The following KIAA0825 variants were observed in gnomAD, a reference collection of about 807,000 sequenced individuals.
KIAA0825 encodes the protein KIAA0825.
Under a neutral mutation model 147.6 loss-of-function variants are expected in KIAA0825, and 119 were observed. The observed-to-expected ratio is 0.81, with a 90% CI of 0.69 to 0.94. KIAA0825 has a LOEUF of 0.94. Among genes scored for constraint, KIAA0825 ranks in the 40% least tolerant of loss-of-function variants. The probability of loss-of-function intolerance (pLI) is 0.00; values close to 1 mark genes in which losing one functional copy is unlikely to be tolerated. For synonymous variants in KIAA0825, 470 were observed against 518.1 expected (o/e 0.91, Z 1.26); for missense variants, 1,381 against 1,472.7 (o/e 0.94, Z 1.02).
intron 20 of KIAA0825, among the ~76,000 whole-genome samples, chr5:94,367,751 T>G (rs1746082797): frequency 6.6e-6 from 1 of 152,198 alleles, no homozygotes; most frequent in South Asian, 2.1e-4. Context: ...ATCTCTGTAC[T>G]TCACTCCAGC....
intron 20 of KIAA0825, among the ~76,000 whole-genome samples, chr5:94,310,786 A>G (rs1308799164): frequency 6.6e-6 from 1 of 151,750 alleles, no homozygotes; most frequent in Non-Finnish European, 1.5e-5. Context: ...AGGATTTTCA[A>G]AAACCATTAT....
In KIAA0825 at chr5:94,417,196, C is replaced by T. The variant is rs1248596777; in HGVS notation, c.2662+5G>A. ...TTTCTTTTACAAACAGTAAATGTCT[C>T]ATACCTGGGATGTTATATAAAAAGT... On this transcript the variant is annotated splice_donor_5th_base_variant and intron_variant, in intron 15 of 20. Coordinates refer to ENST00000682413, the MANE Select transcript of KIAA0825 (RefSeq NM_001145678.3). The T allele has an allele frequency of 1.3e-6, 2 of 1,549,588 alleles. No individual in the cohort carries two copies. The highest frequency in any genetic ancestry group is 2.4e-5 in the South Asian group (2 of 84,020).
intron 6 of KIAA0825, among the ~76,000 whole-genome samples, chr5:94,478,466 C>CACACACACAT (rs1554289719): frequency 2.0e-5 from 3 of 151,710 alleles, no homozygotes; most frequent in African/African-American, 7.3e-5. Flanking sequence ...CACACACACA[C>CACACACACAT]ACACACACAC....
intron 1 of KIAA0825, among the ~76,000 whole-genome samples, chr5:94,614,682 G>C (rs1789919579): frequency 6.6e-6 from 1 of 151,448 alleles, no homozygotes; most frequent in African/African-American, 2.4e-5. Flanking sequence ...TTTTTATGAG[G>C]TCTTTCCTCA....
chr5:94,600,917 A>AAAATTTCCTGGG (rs1202516705), intron 1 of KIAA0825, among the ~76,000 whole-genome samples: 9 of 152,190 alleles, frequency 5.9e-5, no homozygotes, highest in Non-Finnish European at 1.2e-4. Flanking sequence ...CAGAGGTTTG[A>AAAATTTCCTGGG]AAATTTCCTG....
intron 19 of KIAA0825, 107 bp from the exon 20 acceptor site, chr5:94,384,565 G>T: frequency 2.4e-6 from 2 of 849,978 alleles, no homozygotes; most frequent in Non-Finnish European, 3.8e-6. Flanking sequence ...AAGGAGGGGG[G>T]TCCAGAACAA....
At chr5:94,196,259 C>T (rs1333748640) in intron 20 of KIAA0825, among the ~76,000 whole-genome samples, 1 of 152,158 alleles carries the variant, frequency 6.6e-6, no homozygotes, top group Non-Finnish European at 1.5e-5. Flanking sequence ...CTCTACTCCC[C>T]TGCTAATGTC....
At chr5:94,232,566 A>G (rs942356007) in intron 20 of KIAA0825, among the ~76,000 whole-genome samples, 4 of 152,126 alleles carry the variant, frequency 2.6e-5, no homozygotes, top group African/African-American at 9.6e-5. Flanking sequence ...TTAATATGAT[A>G]GATTCAACTG....
At chr5:94,533,739 C>T (rs927565648) in intron 3 of KIAA0825, among the ~76,000 whole-genome samples, 2 of 152,180 alleles carry the variant, frequency 1.3e-5, no homozygotes, top group South Asian at 2.1e-4. Context: ...TGTTATTTAC[C>T]TCTTGTTACC....
intron 20 of KIAA0825, among the ~76,000 whole-genome samples, chr5:94,252,466 TAGAGAG>T (rs927581654): frequency 6.6e-6 from 1 of 151,158 alleles, no homozygotes; most frequent in Non-Finnish European, 1.5e-5. Flanking sequence ...TATATATATA[TAGAGAG>T]AGAGAGAGTG....
intron 20 of KIAA0825, among the ~76,000 whole-genome samples, chr5:94,336,807 T>C (rs1166548936): frequency 2.0e-5 from 3 of 152,160 alleles, no homozygotes; most frequent in African/African-American, 7.2e-5. Flanking sequence ...AAATGGTATT[T>C]CTAGTTCTAG....
intron 5 of KIAA0825, among the ~76,000 whole-genome samples, chr5:94,504,048 G>A (rs1765410666): frequency 6.6e-6 from 1 of 152,110 alleles, no homozygotes; most frequent in African/African-American, 2.4e-5. Context: ...AATTCGATTA[G>A]CTTAAAATTG....
At chr5:94,395,858 A>C (rs1029524369) in intron 17 of KIAA0825, among the ~76,000 whole-genome samples, 1 of 152,196 alleles carries the variant, frequency 6.6e-6, no homozygotes, top group Non-Finnish European at 1.5e-5. Flanking sequence ...AGAAACCTTA[A>C]GATGGTGACT....
intron 2 of KIAA0825, among the ~76,000 whole-genome samples, chr5:94,541,662 C>T (rs974100546): frequency 6.6e-6 from 1 of 152,176 alleles, no homozygotes; most frequent in Non-Finnish European, 1.5e-5. Flanking sequence ...TTAATCTGCT[C>T]TTTAACAAAA....
chr5:94,336,261 C>CT (rs34128147), intron 20 of KIAA0825, among the ~76,000 whole-genome samples: 4,348 of 142,168 alleles, frequency 0.031, 170 homozygotes, highest in African/African-American at 0.1. Context: ...TCTTTTCTTT[C>CT]TTTTTTTTTT....
chr5:94,412,694 C>A (rs745564638), intron 15 of KIAA0825, among the ~76,000 whole-genome samples: 1 of 151,838 alleles, frequency 6.6e-6, no homozygotes, highest in Non-Finnish European at 1.5e-5. Context: ...CCACCACGCC[C>A]GGCCAGTAGT....
intron 20 of KIAA0825, among the ~76,000 whole-genome samples, chr5:94,202,378 G>A (rs879795828): frequency 1.3e-5 from 2 of 152,120 alleles, no homozygotes; most frequent in Non-Finnish European, 2.9e-5. Flanking sequence ...GTGAGGATGC[G>A]TCTCTGTGTA....
chr5:94,444,225 T>C lies in KIAA0825; in HGVS notation c.2358-4104A>G, dbSNP rs558905919. Among the ~76,000 whole-genome samples the C allele has an allele frequency of 5.9e-5, 9 of 152,056 alleles. No individual in the cohort carries two copies. The South Asian group carries it at 1.5e-3, about 25-fold the overall frequency. On this transcript the variant is annotated intron_variant, in intron 13 of 20. Transcript: ENST00000682413. ...TTTCCATGGTGGGGTGGGATGGGGG[T>C]ATACACACCTCTACCAGGGGGACCA...
chr5:94,396,819 G>A (rs1333209576), intron 16 of KIAA0825, among the ~76,000 whole-genome samples: 6 of 151,770 alleles, frequency 4.0e-5, no homozygotes, highest in Admixed American at 1.3e-4. Context: ...ATGCAAAGGT[G>A]CCCAGCTGGG....
Sources: gnomAD v4.1 joint callset for allele counts (sites outside exome capture counted in the v4.1 genomes callset) on GRCh38, gnomAD v4.1.1 for gene constraint, MANE v1.5 for transcripts, NCBI Gene and HGNC (gene_info 2026-07-23, HGNC 2026-07-21) for gene names.